ANKRD36B: variants seen among roughly 807,000 people sequenced by gnomAD.
The protein encoded by ANKRD36B is ankyrin repeat domain 36B.
Under a neutral mutation model 135.7 loss-of-function variants are expected in ANKRD36B, and 37 were observed. The observed-to-expected ratio is 0.27, with a 90% CI of 0.21 to 0.36. The LOEUF (loss-of-function observed/expected upper bound fraction) is 0.36, where lower values mean the gene tolerates loss of function less well. Ranked by LOEUF, ANKRD36B falls within the 10% of genes least tolerant of loss-of-function variation. ANKRD36B has a pLI of 1.00. For synonymous variants in ANKRD36B, 179 were observed against 348.1 expected (o/e 0.51, Z 5.41); for missense variants, 549 against 1,037.1 (o/e 0.53, Z 6.46).
At chr2:97,567,366 C>T (rs921688040) in intron 6 of ANKRD36B, among the ~76,000 whole-genome samples, 1 of 150,376 alleles carries the variant, frequency 6.6e-6, no homozygotes, top group African/African-American at 2.5e-5. Context: ...AACATTCAGC[C>T]CCTCTCACAT....
At chr2:97,581,842 A>G (rs2595346) in intron 3 of ANKRD36B, among the ~76,000 whole-genome samples, 17 of 152,228 alleles carry the variant, frequency 1.1e-4, no homozygotes, top group African/African-American at 2.9e-4. Context: ...TCGCTCTGTC[A>G]CCCAGGCTGG....
At chr2:97,553,424 C>T (rs1225183609) in intron 14 of ANKRD36B, 53 bp from the exon 15 acceptor site, 3 of 1,567,528 alleles carry the variant, frequency 1.9e-6, no homozygotes, top group Non-Finnish European at 2.6e-6. Flanking sequence ...GATACATTTT[C>T]CATACATTCA....
At chr2:97,555,008 GTTCTT>G in intron 14 of ANKRD36B, 47 bp downstream of exon 14, 1 of 1,591,152 alleles carries the variant, frequency 6.3e-7, no homozygotes, top group East Asian at 2.3e-5. Context: ...GGGAAGAGAA[GTTCTT>G]TTCTATCTGG....
At chr2:97,535,198 G>A (rs1481778212) in intron 34 of ANKRD36B, among the ~76,000 whole-genome samples, 1 of 100,022 alleles carries the variant, frequency 1.0e-5, no homozygotes, top group Non-Finnish European at 2.7e-5. Flanking sequence ...TAGGAAAAGA[G>A]GATGCTTAAT....
At chr2:97,586,173 C>T (rs1414055002) in intron 1 of ANKRD36B, among the ~76,000 whole-genome samples, 1 of 151,776 alleles carries the variant, frequency 6.6e-6, no homozygotes, top group Non-Finnish European at 1.5e-5. Context: ...AATAAAAAAA[C>T]AAATTTTTAA....
At chr2:97,570,927 T>C (rs2081805900) in intron 6 of ANKRD36B, among the ~76,000 whole-genome samples, 1 of 152,218 alleles carries the variant, frequency 6.6e-6, no homozygotes, top group Admixed American at 6.5e-5. Context: ...AGGCTGTTTA[T>C]AAAACACCTT....
chr2:97,536,181 T>C lies in ANKRD36B; in HGVS notation c.2191+119A>G, dbSNP rs1484147906. 3 of 447,896 alleles carry C rather than the reference T, an allele frequency of 6.7e-6. 1 individual carries two copies. Among genetic ancestry groups the C allele is most frequent in the African/African-American group, 2.2e-5 (1 of 45,212 alleles). The allele number at this position is 447,896 out of a possible 1,614,324, so 27.7% of individuals were successfully genotyped here. A position where few individuals can be genotyped will look rare whatever the true frequency, so the allele number is the denominator to read the frequency against. ...TAAAAATGATAACAGCTGCATTATT[T>C]AGATGAAATCCTGAAATAAAATATA... On this transcript the variant is annotated intron_variant, in intron 34 of 43. Transcript: ENST00000359901.
At chr2:97,495,868 G>A (rs533204630) in intron 43 of ANKRD36B, among the ~76,000 whole-genome samples, 3 of 106,566 alleles carry the variant, frequency 2.8e-5, no homozygotes, top group African/African-American at 7.7e-5. Context: ...GGTTGAACCC[G>A]ACATAAGACT....
Position 97,514,084 on chromosome 2 carries a change from G to A in ANKRD36B, c.2622-721C>T, listed in dbSNP as rs879313135. ...TCCTGAGGGCTGTGTCGGGGGCCAC[G>A]GTCACTCATATTTGGCTCAGAATAA... On this transcript the variant is annotated intron_variant, in intron 37 of 43. Coordinates refer to ENST00000359901, the MANE Select transcript of ANKRD36B (RefSeq NM_001393939.1). 5.1e-5 allele frequency among the ~76,000 whole-genome samples: 7 copies of A among 136,764 alleles called. 1 individual carries two copies. Among genetic ancestry groups the A allele is most frequent in the East Asian group, 2.1e-4 (1 of 4,846 alleles). The allele number at this position is 136,764 out of a possible 152,430, so 89.7% of individuals were successfully genotyped here. A position where few individuals can be genotyped will look rare whatever the true frequency, so the allele number is the denominator to read the frequency against.
chr2:97,577,024 G>T (rs2082279457), intron 5 of ANKRD36B, among the ~76,000 whole-genome samples: 1 of 151,754 alleles, frequency 6.6e-6, no homozygotes, highest in East Asian at 1.9e-4. Context: ...ATTATTTCTG[G>T]CTTATAATTC....
intron 16 of ANKRD36B, among the ~76,000 whole-genome samples, chr2:97,552,651 T>G (rs145277465): frequency 1.3e-4 from 20 of 152,024 alleles, no homozygotes; most frequent in African/African-American, 4.3e-4. Context: ...CAGAAAACCC[T>G]AAATTATATA....
At chr2:97,553,512 C>A in intron 14 of ANKRD36B, 141 bp from the exon 15 acceptor site, 3 of 1,100,754 alleles carry the variant, frequency 2.7e-6, no homozygotes, top group Non-Finnish European at 3.9e-6. Context: ...TGTCTTAAGC[C>A]AGGAGCATGA....
At chr2:97,584,552 T>C (rs1393682167) in intron 3 of ANKRD36B, among the ~76,000 whole-genome samples, 1 of 151,886 alleles carries the variant, frequency 6.6e-6, no homozygotes, top group Non-Finnish European at 1.5e-5. Context: ...TGAAATTCTT[T>C]AATTTTCTTT....
At chr2:97,556,741 C>T (rs1228649461) in intron 12 of ANKRD36B, among the ~76,000 whole-genome samples, 196 bp downstream of exon 12, 1 of 151,874 alleles carries the variant, frequency 6.6e-6, no homozygotes, top group Non-Finnish European at 1.5e-5. Context: ...GTAGGGAACT[C>T]TATAAGCTTG....
chr2:97,528,754 C>A (rs1398943890), intron 35 of ANKRD36B, among the ~76,000 whole-genome samples: 1 of 95,796 alleles, frequency 1.0e-5, no homozygotes, highest in Non-Finnish European at 2.8e-5. Flanking sequence ...TACAAACTAC[C>A]ATCAGAGAAT....
intron 8 of ANKRD36B, 27 bp from the exon 9 acceptor site, chr2:97,559,021 A>C: frequency 6.2e-7 from 1 of 1,602,482 alleles, no homozygotes; most frequent in African/African-American, 1.3e-5. Context: ...AAACATAATC[A>C]CTCACATGTA....
At chr2:97,509,229 AT>A (rs1422612768) in intron 40 of ANKRD36B, among the ~76,000 whole-genome samples, 1 of 60,038 alleles carries the variant, frequency 1.7e-5, no homozygotes, top group Non-Finnish European at 4.7e-5. Flanking sequence ...CAATAGAGAA[AT>A]CATTAAAAAT....
Position 97,578,872 on chromosome 2 carries a change from T to C in ANKRD36B, c.695+34A>G, listed in dbSNP as rs371563240. 2.3e-5 allele frequency: 37 copies of C among 1,598,450 alleles called. No homozygotes were observed. In the African/African-American group the frequency reaches 4.3e-4, roughly 19 times the overall value. Reference sequence around the variant, plus strand: ...GTTACAATTATTTTAAACTTCAATTTAGTGTTCATTAGCCTTTTTACGTAA... The same window carrying C: ...GTTACAATTATTTTAAACTTCAATTCAGTGTTCATTAGCCTTTTTACGTAA... On this transcript the variant is annotated intron_variant, in intron 5 of 43. Coordinates refer to ENST00000359901, the MANE Select transcript of ANKRD36B (RefSeq NM_001393939.1).
chr2:97,553,463 C>T, intron 14 of ANKRD36B, 92 bp from the exon 15 acceptor site: 1 of 1,428,752 alleles, frequency 7.0e-7, no homozygotes, highest in African/African-American at 1.4e-5. Flanking sequence ...CTGTATCCGC[C>T]TGCCTGTATT....
Sources: gnomAD v4.1 joint callset for allele counts (sites outside exome capture counted in the v4.1 genomes callset) on GRCh38, gnomAD v4.1.1 for gene constraint, MANE v1.5 for transcripts, NCBI Gene and HGNC (gene_info 2026-07-23, HGNC 2026-07-21) for gene names.